SEC14L5: variants seen among roughly 807,000 people sequenced by gnomAD.
SEC14L5 encodes the protein SEC14 like lipid binding 5, also known as SEC14-like protein 5.
SEC14L5 carries 96 observed loss-of-function variants against 84.6 expected under a neutral mutation model. The observed-to-expected ratio is 1.13, with a 90% CI of 0.96 to 1.34. The LOEUF is 1.34. SEC14L5 is among the 40% of genes most tolerant of loss of function. The pLI, the probability that SEC14L5 is intolerant of heterozygous loss-of-function variation, is 0.00. For missense variants in SEC14L5, 1,224 were observed against 942.5 expected (o/e 1.30, Z -3.91); for synonymous variants, 546 against 383.4 (o/e 1.42, Z -4.95).
intron 8 of SEC14L5, among the ~76,000 whole-genome samples, 169 bp from the exon 9 acceptor site, chr16:5,000,486 C>T (rs1955662578): frequency 2.0e-5 from 3 of 152,178 alleles, no homozygotes; most frequent in Admixed American, 2.0e-4. Context: ...CAATAAGGGG[C>T]GTCAGCCCCT....
Position 5,016,396 on chromosome 16 carries a change from G to C in SEC14L5, c.*1426G>C, listed in dbSNP as rs1166401872. On this transcript the variant is annotated 3_prime_UTR_variant, in exon 16 of 16. Coordinates refer to ENST00000251170, the MANE Select transcript of SEC14L5 (RefSeq NM_014692.2). Reference sequence around the variant, plus strand: ...AATGGTTTAAAAATTGAGGCATTTCGCATCGAAATCAGGATTTCTGGCTTC... The same window carrying C: ...AATGGTTTAAAAATTGAGGCATTTCCCATCGAAATCAGGATTTCTGGCTTC... 6.6e-6 allele frequency: 1 copy of C among 152,076 alleles called. No individual in the cohort carries two copies. Among genetic ancestry groups the C allele is most frequent in the African/African-American group, 2.4e-5 (1 of 41,396 alleles). 9.4% of individuals were successfully genotyped at this position (152,076 alleles called of 1,614,324 possible).
At chr16:4,967,891 C>A (rs1458253690) in intron 2 of SEC14L5, among the ~76,000 whole-genome samples, 1 of 150,496 alleles carries the variant, frequency 6.6e-6, no homozygotes, top group African/African-American at 2.4e-5. Context: ...ACAGGCGTGA[C>A]CACACCTGGC....
chr16:4,973,709 G>A (rs1171661007), intron 2 of SEC14L5, among the ~76,000 whole-genome samples: 1 of 140,714 alleles, frequency 7.1e-6, no homozygotes. Context: ...TTGAGACAGA[G>A]CCTTGCTCTG....
In SEC14L5 at chr16:5,008,573, C is replaced by G. The variant is rs753839180; in HGVS notation, c.1725C>G (p.Asp575Glu). 3.7e-6 allele frequency: 6 copies of G among 1,607,778 alleles called. No individual in the cohort carries two copies. Among genetic ancestry groups the G allele is most frequent in the Non-Finnish European group, 5.1e-6 (6 of 1,177,966 alleles). The change falls in exon 14 of 16, where the codon GAC becomes GAG. Residue 575 changes from aspartate to glutamate, a missense_variant. By Grantham distance (45) the Asp-to-Glu change is conservative (BLOSUM62 2). Transcript: ENST00000251170. ...PGTRASGQLI[D>E]KGWVLGRDYS... ...CCAGGGCCAGCGGGCAGCTGATCGACAAAGGCTGGGTCCTGGGCAGGGATT... is the reference window on the plus strand; with the variant it reads ...CCAGGGCCAGCGGGCAGCTGATCGAGAAAGGCTGGGTCCTGGGCAGGGATT...
At chr16:5,006,825 T>C (rs1489784746) in intron 12 of SEC14L5, among the ~76,000 whole-genome samples, 5 of 152,090 alleles carry the variant, frequency 3.3e-5, no homozygotes, top group Admixed American at 3.3e-4. Context: ...CCAGTGTTTC[T>C]ACAAGTGAAA....
At position 4,987,655 on chromosome 16, in the gene SEC14L5, G is replaced by A. The variant is rs748737324; in HGVS notation, c.162G>A (p.Val54=). 1.9e-6 allele frequency: 3 copies of A among 1,551,294 alleles called. No homozygotes were observed. Among genetic ancestry groups the A allele is most frequent in the Admixed American group, 3.9e-5 (2 of 51,630 alleles). The change falls in exon 3 of 16, where the codon GTG becomes GTA. Residue 54 remains valine (V), a synonymous_variant. Coordinates refer to ENST00000251170, the MANE Select transcript of SEC14L5 (RefSeq NM_014692.2). ...GCAGCCCGGACGGGGCTGTGCACGT[G>A]GTGGAGCGGAGCTGCCGGCTGCGCG... ...ESRSPDGAVH[V]VERSCRLRVD...
At chr16:4,998,034 G>A (rs1025718505) in intron 8 of SEC14L5, among the ~76,000 whole-genome samples, 1 of 133,232 alleles carries the variant, frequency 7.5e-6, no homozygotes, top group African/African-American at 2.9e-5. Flanking sequence ...GACAGAGTCT[G>A]GCTCTGTCAC....
intron 14 of SEC14L5, among the ~76,000 whole-genome samples, chr16:5,009,374 A>G (rs1467181877): frequency 6.6e-6 from 1 of 152,022 alleles, no homozygotes; most frequent in East Asian, 1.9e-4. Flanking sequence ...CGGGACTGGG[A>G]ATGTAGTGAT....
chr16:5,014,835 G>A (rs763167117), intron 15 of SEC14L5, 24 bp from the exon 16 acceptor site: 10 of 1,579,820 alleles, frequency 6.3e-6, no homozygotes, highest in African/African-American at 5.4e-5. Context: ...AGAGGGTAAC[G>A]TGTGCCACGC....
chr16:4,999,557 C>A (rs962226840), intron 8 of SEC14L5, among the ~76,000 whole-genome samples: 1 of 151,772 alleles, frequency 6.6e-6, no homozygotes, highest in Admixed American at 6.6e-5. Context: ...GAGGTTCAGG[C>A]TGCAGTGAGT....
intron 2 of SEC14L5, among the ~76,000 whole-genome samples, chr16:4,960,986 C>G (rs1037264379): frequency 2.6e-5 from 4 of 152,100 alleles, no homozygotes; most frequent in Non-Finnish European, 5.9e-5. Flanking sequence ...AGTTGCTGAA[C>G]TTAAGCCGGG....
intron 8 of SEC14L5, among the ~76,000 whole-genome samples, chr16:4,998,498 G>A (rs1955638628): frequency 6.6e-6 from 1 of 150,772 alleles, no homozygotes; most frequent in Admixed American, 6.6e-5. Flanking sequence ...CAGCACTTTG[G>A]GAGGCCGAGG....
At chr16:5,007,789 A>G (rs546066566) in intron 13 of SEC14L5, among the ~76,000 whole-genome samples, 1 of 150,718 alleles carries the variant, frequency 6.6e-6, no homozygotes, top group African/African-American at 2.4e-5. Flanking sequence ...TATTTTTAGT[A>G]GAGACGGGTT....
At chr16:4,988,325 C>T (rs372004675) in intron 4 of SEC14L5, 45 bp downstream of exon 4, 10 of 1,599,110 alleles carry the variant, frequency 6.3e-6, no homozygotes, top group Admixed American at 3.4e-5. Flanking sequence ...CACCCACCTG[C>T]GCCCGGCACC....
rs774871020 is a variant in SEC14L5 at position 4,997,068 on chromosome 16, G to A, written c.970+24G>A. The stretch of plus-strand genomic sequence containing the variant: ...AGGTGCGTGCCTCCACCCACATCAT[G>A]TATAGGGCATACTTTGGTCACTGCC... On this transcript the variant is annotated intron_variant, in intron 8 of 15. Coordinates refer to ENST00000251170, the MANE Select transcript of SEC14L5 (RefSeq NM_014692.2). 7 of 1,556,580 alleles carry A rather than the reference G, an allele frequency of 4.5e-6. No homozygotes were observed. The East Asian group carries it at 6.9e-5, about 15-fold the overall frequency.
chr16:5,014,168 C>A (rs1446477881), intron 15 of SEC14L5, among the ~76,000 whole-genome samples: 3 of 152,258 alleles, frequency 2.0e-5, no homozygotes, highest in African/African-American at 7.2e-5. Context: ...GCCTCAGTCG[C>A]ATGGGCCACA....
chr16:4,990,970 T>C (rs2972263), intron 5 of SEC14L5, 75 bp downstream of exon 5: 172,750 of 1,117,258 alleles, frequency 0.15, 12,397 homozygotes, highest in African/African-American at 0.26. Context: ...GCATGACCCC[T>C]GGCAAGACCC....
Position 5,014,963 on chromosome 16 carries a change from C to T in SEC14L5, c.2084C>T (p.Ser695Phe), listed in dbSNP as rs770585482. The T allele has an allele frequency of 2.2e-5, 35 of 1,609,706 alleles. No individual in the cohort carries two copies. Among genetic ancestry groups the T allele is most frequent in the Non-Finnish European group, 2.8e-5 (33 of 1,179,380 alleles). ...SGQSHSSSLV[S>F]R ...CAGTCTCATAGCAGCTCCCTGGTCT[C>T]CAGATAGCCGGGCCCAGTGTTTCAG... The change falls in exon 16 of 16, where the codon TCC (serine) becomes TTC (phenylalanine). Residue 695 changes from serine (S) to phenylalanine (F), a missense_variant. Ser to Phe is a radical substitution (Grantham distance 155). Coordinates refer to ENST00000251170, the MANE Select transcript of SEC14L5 (RefSeq NM_014692.2).
Position 4,988,404 on chromosome 16 carries a change from T to C in SEC14L5, c.345+124T>C, listed in dbSNP as rs1955519232. On this transcript the variant is annotated intron_variant, in intron 4 of 15. Coordinates refer to ENST00000251170, the MANE Select transcript of SEC14L5 (RefSeq NM_014692.2). The stretch of plus-strand genomic sequence containing the variant: ...CCAAGCCCTCCCTCCTGGGGCATTG[T>C]CAAGAAAGATGCAGGATGCTTGGTT... 7.3e-6 allele frequency: 9 copies of C among 1,239,124 alleles called. No homozygotes were observed. The South Asian group carries it at 1.0e-4, about 14-fold the overall frequency. The allele number at this position is 1,239,124 out of a possible 1,614,324, so 76.8% of individuals were successfully genotyped here. A position where few individuals can be genotyped will look rare whatever the true frequency, so the allele number is the denominator to read the frequency against.
Sources: allele counts gnomAD v4.1 joint callset (sites outside exome capture counted in the v4.1 genomes callset), GRCh38; gene constraint gnomAD v4.1.1; transcripts MANE v1.5; gene names NCBI Gene and HGNC (gene_info 2026-07-23, HGNC 2026-07-21).